The following TARBP1 variants were observed in gnomAD, a reference collection of about 807,000 sequenced individuals.
TARBP1 encodes tRNA guanosine 2 -O-methyltransferase TARBP1.
Under a neutral mutation model 178.6 loss-of-function variants are expected in TARBP1, and 144 were observed. The ratio of observed to expected loss-of-function variants is 0.81; its 90% CI spans 0.70 to 0.93. The LOEUF is 0.93. Among genes scored for constraint, TARBP1 ranks in the 40% least tolerant of loss-of-function variants. The probability of loss-of-function intolerance (pLI) is 0.00; values close to 1 mark genes in which losing one functional copy is unlikely to be tolerated. For missense variants in TARBP1, 2,067 were observed against 2,011.7 expected (o/e 1.03, Z -0.53); for synonymous variants, 787 against 781.0 (o/e 1.01, Z -0.13).
intron 25 of TARBP1, among the ~76,000 whole-genome samples, chr1:234,399,174 C>T (rs1660426566): frequency 6.6e-6 from 1 of 152,226 alleles, no homozygotes; most frequent in Non-Finnish European, 1.5e-5. Flanking sequence ...CTTTGCTTTT[C>T]TTACCTACTA....
At position 234,393,785 on chromosome 1, in the gene TARBP1, C is replaced by CAGA; in HGVS notation, c.4295_4296insTCT (p.Lys1432delinsAsnLeu). The CAGA allele has an allele frequency of 1.2e-6, 2 of 1,613,942 alleles. No homozygotes were observed. Among genetic ancestry groups the CAGA allele is most frequent in the Non-Finnish European group, 1.7e-6 (2 of 1,179,972 alleles). On this transcript the variant is annotated protein_altering_variant, in exon 27 of 30. Transcript: ENST00000040877. Reference sequence around the variant, plus strand: ...CACGACTGTTCCACGGGATAATCTTCTTCTGAACGTCGGTCCACTCCGCTT... The same window carrying CAGA: ...CACGACTGTTCCACGGGATAATCTTCAGATTCTGAACGTCGGTCCACTCCGCTT...
intron 23 of TARBP1, among the ~76,000 whole-genome samples, chr1:234,409,450 G>A (rs890083163): frequency 2.6e-5 from 4 of 152,100 alleles, no homozygotes; most frequent in African/African-American, 4.8e-5. Context: ...ATCTCTTTGC[G>A]GCACATATTT....
intron 20 of TARBP1, among the ~76,000 whole-genome samples, chr1:234,425,269 G>A (rs962476086): frequency 6.6e-6 from 1 of 152,020 alleles, no homozygotes; most frequent in Non-Finnish European, 1.5e-5. Flanking sequence ...AACACAACCG[G>A]GTTTGACTGG....
rs1664219438 is a variant in TARBP1 at position 234,429,774 on chromosome 1, G to A, written c.2610-97C>T. ...TATCCTTTCTAAAGGTGGGGGGGGG[G>A]GGGCAGTGTACAGATATAAATGGTC... is the stretch of plus-strand genomic sequence containing the variant. On this transcript the variant is annotated intron_variant, in intron 15 of 29. Transcript: ENST00000040877. 15 of 1,238,270 alleles carry A rather than the reference G, an allele frequency of 1.2e-5. No individual in the cohort carries two copies. In the Admixed American group the frequency reaches 2.9e-4, roughly 24 times the overall value. The allele number at this position is 1,238,270 out of a possible 1,614,324, so 76.7% of individuals were successfully genotyped here. A position where few individuals can be genotyped will look rare whatever the true frequency, so the allele number is the denominator to read the frequency against.
intron 25 of TARBP1, among the ~76,000 whole-genome samples, chr1:234,399,751 T>C (rs1660486696): frequency 6.6e-6 from 1 of 152,048 alleles, no homozygotes; most frequent in Non-Finnish European, 1.5e-5. Flanking sequence ...TGGATGAAAT[T>C]GGAAATCATC....
chr1:234,429,815 A>T, intron 15 of TARBP1, 138 bp from the exon 16 acceptor site: 1 of 1,054,858 alleles, frequency 9.5e-7, no homozygotes, highest in Non-Finnish European at 1.4e-6. Context: ...CAAACAGCCT[A>T]TCTACCAAAA....
intron 8 of TARBP1, among the ~76,000 whole-genome samples, chr1:234,458,006 TAAAAAA>T (rs56105144): frequency 2.1e-5 from 3 of 143,582 alleles, no homozygotes; most frequent in African/African-American, 7.7e-5. Context: ...GTCACAATCT[TAAAAAA>T]AAAAAAAACA....
chr1:234,398,039 T>G, intron 26 of TARBP1: 1 of 163,656 alleles, frequency 6.1e-6, no homozygotes, highest in Non-Finnish European at 1.3e-5. Context: ...TTGGTCCTTT[T>G]GGAAATGTTT....
At chr1:234,434,751 G>A (rs1005814887) in intron 13 of TARBP1, among the ~76,000 whole-genome samples, 2 of 151,732 alleles carry the variant, frequency 1.3e-5, no homozygotes, top group African/African-American at 4.8e-5. Context: ...TCAAGTGACA[G>A]GGGAGAGAAT....
chr1:234,401,074 A>C, intron 25 of TARBP1, 107 bp downstream of exon 25: 4 of 796,924 alleles, frequency 5.0e-6, no homozygotes, highest in Non-Finnish European at 7.9e-6. Flanking sequence ...GATGTTTGTA[A>C]GCAAGAAAAA....
chr1:234,434,563 G>A (rs1664810704), intron 13 of TARBP1, among the ~76,000 whole-genome samples: 1 of 152,184 alleles, frequency 6.6e-6, no homozygotes, highest in Non-Finnish European at 1.5e-5. Context: ...ACAGTAACCT[G>A]GAGAACCTCC....
rs1659356337 is a variant in TARBP1, at chr1:234,391,479, C to T, written c.*98G>A. 6.8e-6 allele frequency: 9 copies of T among 1,317,496 alleles called. No homozygotes were observed. The highest frequency in any genetic ancestry group is 2.7e-4 in the Middle Eastern group (1 of 3,660). 81.6% of individuals were successfully genotyped at this position (1,317,496 alleles called of 1,614,324 possible). On this transcript the variant is annotated 3_prime_UTR_variant, in exon 30 of 30. Transcript: ENST00000040877. Reference sequence around the variant, plus strand: ...ATTAAATTGCAAGAAAAAAGAAATACAAATTATCACAATAAATTTCAGAAT... The same window carrying T: ...ATTAAATTGCAAGAAAAAAGAAATATAAATTATCACAATAAATTTCAGAAT...
chr1:234,421,119 T>C (rs970142865), intron 20 of TARBP1, among the ~76,000 whole-genome samples: 1 of 152,190 alleles, frequency 6.6e-6, no homozygotes, highest in Non-Finnish European at 1.5e-5. Context: ...GATGGAGTCT[T>C]ACTCTGTTGC....
intron 28 of TARBP1, 45 bp downstream of exon 28, chr1:234,393,317 C>A (rs774947919): frequency 7.8e-6 from 11 of 1,410,036 alleles, no homozygotes. Flanking sequence ...GGTACATGTG[C>A]GGGCTTGTTT....
chr1:234,472,734 C>T lies in TARBP1; in HGVS notation c.1009G>A (p.Glu337Lys). Residue 337 changes from glutamate to lysine, a missense_variant, in exon 2 of 30, where the codon GAG becomes AAG. Coordinates refer to ENST00000040877, the MANE Select transcript of TARBP1 (RefSeq NM_005646.4). ...KFWENYILIM[E>K]TLEGNQIHVI... is the part of the protein sequence containing the mutation. ...CTTACCTGATTTCCTTCTAAAGTCT[C>T]CATAATTAAAATATAATTTTCCCAA... The T allele has an allele frequency of 6.3e-7, 1 of 1,597,484 alleles. No homozygotes were observed. The highest frequency in any genetic ancestry group is 8.5e-7 in the Non-Finnish European group (1 of 1,174,168).
rs1041708383 is a variant in TARBP1 at position 234,478,210 on chromosome 1, C to T, written c.894G>A (p.Leu298=). 6.2e-7 allele frequency: 1 copy of T among 1,611,916 alleles called. No individual in the cohort carries two copies. Among genetic ancestry groups the T allele is most frequent in the Non-Finnish European group, 8.5e-7 (1 of 1,179,600 alleles). ...LQRAVEVSAE[L]GADCTCGPQE... ...GGGGCCCGCAGGTGCAGTCGGCCCCCAGCTCCGCCGACACCTCCACCGCCC... is the reference window on the plus strand; with the variant it reads ...GGGGCCCGCAGGTGCAGTCGGCCCCTAGCTCCGCCGACACCTCCACCGCCC... Residue 298 remains leucine, a synonymous_variant, in exon 1 of 30, where the codon CTG becomes CTA. Coordinates refer to ENST00000040877, the MANE Select transcript of TARBP1 (RefSeq NM_005646.4).
chr1:234,442,283 T>G (rs1376318686), intron 12 of TARBP1, among the ~76,000 whole-genome samples: 1 of 152,118 alleles, frequency 6.6e-6, no homozygotes, highest in African/African-American at 2.4e-5. Context: ...AAAGACACTG[T>G]TGAGAAAATG....
intron 22 of TARBP1, among the ~76,000 whole-genome samples, chr1:234,414,971 G>A (rs866608736): frequency 2.1e-4 from 32 of 151,964 alleles, no homozygotes; most frequent in African/African-American, 7.5e-4. Context: ...GCGACAGAGC[G>A]AGACTCTGTC....
chr1:234,418,273 C>A, intron 21 of TARBP1, 40 bp from the exon 22 acceptor site: 2 of 1,498,980 alleles, frequency 1.3e-6, no homozygotes, highest in South Asian at 2.7e-5. Context: ...TACAGTTATT[C>A]ATTTTAATTT....
Sources: gnomAD v4.1 joint callset for allele counts (sites outside exome capture counted in the v4.1 genomes callset) on GRCh38, gnomAD v4.1.1 for gene constraint, MANE v1.5 for transcripts, NCBI Gene and HGNC (gene_info 2026-07-23, HGNC 2026-07-21) for gene names.